C15orf40: variants seen among roughly 807,000 people sequenced by gnomAD.
The protein encoded by C15orf40 is chromosome 15 open reading frame 40.
In C15orf40, 9 loss-of-function variants were observed where a neutral mutation model predicts 13.9. The observed-to-expected ratio is 0.65, with a 90% CI of 0.39 to 1.13. The LOEUF (loss-of-function observed/expected upper bound fraction) is 1.13, where lower values mean the gene tolerates loss of function less well. C15orf40 is among the 50% of genes most tolerant of loss of function. The pLI, the probability that C15orf40 is intolerant of heterozygous loss-of-function variation, is 0.01. For synonymous variants in C15orf40, 95 were observed against 69.2 expected (o/e 1.37, Z -1.85); for missense variants, 225 against 188.5 (o/e 1.19, Z -1.13).
At chr15:82,990,716 A>G, downstream of C15orf40, 1 of 1,344,394 alleles carries the variant, frequency 7.4e-7, no homozygotes, top group Non-Finnish European at 1.0e-6. Context: ...GGTTGGGATA[A>G]GGGTACACAT....
rs943591920 is a variant in C15orf40 at position 83,004,162 on chromosome 15, T to G, written c.*1435A>C. ...CTATAAAGAAAGAGACAGAGACAGA[T>G]ACAGGGTCTCACTTCGTTGCCCAGG... On this transcript the variant is annotated 3_prime_UTR_variant, in exon 4 of 4. Transcript: ENST00000304177. 1 of 161,570 alleles carries G rather than the reference T, an allele frequency of 6.2e-6. No individual in the cohort carries two copies. The highest frequency in any genetic ancestry group is 1.3e-5 in the Non-Finnish European group (1 of 76,918). 10.0% of individuals were successfully genotyped at this position (161,570 alleles called of 1,614,324 possible).
chr15:82,994,199 T>A (rs563882623), downstream of C15orf40, among the ~76,000 whole-genome samples: 6 of 152,314 alleles, frequency 3.9e-5, no homozygotes, highest in South Asian at 1.2e-3. Flanking sequence ...TATAATAGAA[T>A]TAAGGGTAAT....
chr15:83,009,469 C>T (rs889117796), intron 2 of C15orf40, among the ~76,000 whole-genome samples: 2 of 152,154 alleles, frequency 1.3e-5, no homozygotes, highest in South Asian at 2.1e-4. Flanking sequence ...AGGTCTAGCA[C>T]GTCAATGTTG....
chr15:83,001,234 A>G lies in C15orf40; in HGVS notation c.*4363T>C. 1 of 985,480 alleles carries G rather than the reference A, an allele frequency of 1.0e-6. No homozygotes were observed. The highest frequency in any genetic ancestry group is 1.2e-6 in the Non-Finnish European group (1 of 829,958). 61.0% of individuals were successfully genotyped at this position (985,480 alleles called of 1,614,324 possible). On this transcript the variant is annotated 3_prime_UTR_variant, in exon 4 of 4. Coordinates refer to ENST00000304177, the MANE Select transcript of C15orf40 (RefSeq NM_144597.3). ...GTCTGAAATCTCTGCTCCTGCCTCC[A>G]GGGCATAATGAGCCAGGCTGTTCTT...
In C15orf40 at chr15:83,005,140, T is replaced by G. The variant is rs2031606009; in HGVS notation, c.*457A>C. On this transcript the variant is annotated 3_prime_UTR_variant, in exon 4 of 4. Transcript: ENST00000304177. ...AGAACCTGATGCAATGTATAGCACTTTTTAAATTTCTACTTTTTGGAGTCT... is the reference window on the plus strand; with the variant it reads ...AGAACCTGATGCAATGTATAGCACTGTTTAAATTTCTACTTTTTGGAGTCT... 2 of 1,070,220 alleles carry G rather than the reference T, an allele frequency of 1.9e-6. No individual in the cohort carries two copies. The highest frequency in any genetic ancestry group is 2.3e-6 in the Non-Finnish European group (2 of 873,694). The allele number at this position is 1,070,220 out of a possible 1,614,324, so 66.3% of individuals were successfully genotyped here. A position where few individuals can be genotyped will look rare whatever the true frequency, so the allele number is the denominator to read the frequency against.
downstream of C15orf40, chr15:82,989,787 A>G: frequency 2.1e-6 from 3 of 1,445,316 alleles, no homozygotes; most frequent in Non-Finnish European, 2.8e-6. Context: ...TTTATTGTGT[A>G]TTAGAATGAG....
intron 3 of C15orf40, among the ~76,000 whole-genome samples, 169 bp from the exon 4 acceptor site, chr15:83,005,861 A>C (rs1215802780): frequency 1.3e-5 from 2 of 152,168 alleles, no homozygotes; most frequent in African/African-American, 4.8e-5. Context: ...TTGTTACTAA[A>C]CATTTGTTAG....
chr15:83,010,246 C>T lies in C15orf40; in HGVS notation c.229G>A (p.Ala77Thr), dbSNP rs746347805. ...CAGTGTCCAGGTATACCTGTTACAG[C>T]ATTTTGTTTGGAGCCAGGTTTTGCA... Reference protein sequence around the residue: ...IHAKPGSKQNAVTDLTAEAVN... With the variant: ...IHAKPGSKQNTVTDLTAEAVN... The change falls in exon 2 of 4, where the codon GCT (alanine) becomes ACT (threonine). Residue 77 changes from alanine (A) to threonine (T), a missense_variant. By Grantham distance (58) the Ala-to-Thr change is moderately conservative. Transcript: ENST00000304177. 1.2e-6 allele frequency: 2 copies of T among 1,614,180 alleles called. No homozygotes were observed. Among genetic ancestry groups the T allele is most frequent in the South Asian group, 1.1e-5 (1 of 91,080 alleles).
rs2031638013 is a variant in C15orf40 at position 83,005,628 on chromosome 15, T to C, written c.431A>G (p.Glu144Gly). ...LASTTPEEILEKLKKEAKKT is the reference protein window; with the variant it reads ...LASTTPEEILGKLKKEAKKT ...TTTTTTGGCTTCCTTTTTTAATTTC[T>C]CCAAGATCTCTTCTGGAGTTGTAGA... The change falls in exon 4 of 4, where the codon GAG becomes GGG. Residue 144 changes from glutamate to glycine, a missense_variant. Coordinates refer to ENST00000304177, the MANE Select transcript of C15orf40 (RefSeq NM_144597.3). 1.2e-6 allele frequency: 2 copies of C among 1,612,152 alleles called. No individual in the cohort carries two copies. Among genetic ancestry groups the C allele is most frequent in the African/African-American group, 1.3e-5 (1 of 74,836 alleles).
downstream of C15orf40, among the ~76,000 whole-genome samples, chr15:82,993,059 T>C (rs2151273230): frequency 1.3e-5 from 2 of 152,336 alleles, no homozygotes; most frequent in Admixed American, 1.3e-4. Flanking sequence ...ACATATGGCA[T>C]TAGGTATAAG....
Position 82,997,965 on chromosome 15 carries a change from A to AC in C15orf40, c.*7631dup, listed in dbSNP as rs561239746. On this transcript the variant is annotated 3_prime_UTR_variant, in exon 4 of 4. Transcript: ENST00000304177. The stretch of plus-strand genomic sequence containing the variant: ...GGGCGGCTGGCCGGGCGGAGGGCTG[A>AC]CCCCCCCACCTCCCTCCCGGACGGG... 0.082 allele frequency: 7,334 copies of AC among 89,108 alleles called. 351 individuals are homozygous for AC. Among genetic ancestry groups the AC allele is most frequent in the African/African-American group, 0.11 (2,260 of 21,164 alleles). 5.5% of individuals were successfully genotyped at this position (89,108 alleles called of 1,614,324 possible). A position where few individuals can be genotyped will look rare whatever the true frequency, so the allele number is the denominator to read the frequency against.
At chr15:83,009,560 A>C (rs557610923) in intron 2 of C15orf40, among the ~76,000 whole-genome samples, 2 of 152,338 alleles carry the variant, frequency 1.3e-5, no homozygotes, top group East Asian at 3.9e-4. Context: ...AATTTAGAGC[A>C]ATGGTTTTTG....
chr15:82,989,120 T>C (rs771252687), downstream of C15orf40: 6 of 1,613,936 alleles, frequency 3.7e-6, no homozygotes, highest in Admixed American at 1.0e-4. Flanking sequence ...AACGCCCTCC[T>C]GAGTCTCCTC....
intron 3 of C15orf40, among the ~76,000 whole-genome samples, chr15:83,007,266 T>C (rs953989590): frequency 2.0e-5 from 3 of 152,204 alleles, no homozygotes; most frequent in African/African-American, 7.2e-5. Context: ...GAGTCCCTCA[T>C]GGAGATGACT....
In C15orf40 at chr15:83,001,297, C is replaced by T. The variant is rs1250668586; in HGVS notation, c.*4300G>A. 3.0e-6 allele frequency: 3 copies of T among 985,370 alleles called. No homozygotes were observed. The highest frequency in any genetic ancestry group is 3.6e-6 in the Non-Finnish European group (3 of 829,950). The allele number at this position is 985,370 out of a possible 1,614,324, so 61.0% of individuals were successfully genotyped here. A position where few individuals can be genotyped will look rare whatever the true frequency, so the allele number is the denominator to read the frequency against. On this transcript the variant is annotated 3_prime_UTR_variant, in exon 4 of 4. Transcript: ENST00000304177. ...TCGAAGTACAGCATAGGCAAACCAC[C>T]TAGCAGTGTCTGTCAAGTAAGCAAC...
In C15orf40 at chr15:82,999,934, T is replaced by C. The variant is rs367807936; in HGVS notation, c.*5663A>G. On this transcript the variant is annotated 3_prime_UTR_variant, in exon 4 of 4. Coordinates refer to ENST00000304177, the MANE Select transcript of C15orf40 (RefSeq NM_144597.3). ...GAATGCCTATGTGGGTAGAAATAGG[T>C]GGTCTTCCTGCAACCTAGAAAAAGG... The C allele has an allele frequency of 5.3e-5, 8 of 152,190 alleles. No individual in the cohort carries two copies. The East Asian group carries it at 9.6e-4, about 18-fold the overall frequency. The allele number at this position is 152,190 out of a possible 1,614,324, so 9.4% of individuals were successfully genotyped here.
downstream of C15orf40, chr15:82,990,756 TAAC>T (rs2030824350): frequency 3.0e-6 from 3 of 993,260 alleles, no homozygotes; most frequent in Non-Finnish European, 3.1e-6. Flanking sequence ...AGCTTTTTGC[TAAC>T]AACATAGCAG....
chr15:83,007,977 AG>A (rs1235926814), intron 3 of C15orf40: 18 of 152,822 alleles, frequency 1.2e-4, no homozygotes, highest in African/African-American at 3.9e-4. Context: ...GAATCACCTG[AG>A]GTCAGGCGTT....
rs1242055968 is a variant in C15orf40 at position 82,996,718 on chromosome 15, A to G, written c.*8879T>C. On this transcript the variant is annotated 3_prime_UTR_variant, in exon 4 of 4. Coordinates refer to ENST00000304177, the MANE Select transcript of C15orf40 (RefSeq NM_144597.3). Reference sequence around the variant, plus strand: ...AAAGTGAAACAATACAAAAATGAATAATTTTGGCTGGATGCAGTGGTTCAC... The same window carrying G: ...AAAGTGAAACAATACAAAAATGAATGATTTTGGCTGGATGCAGTGGTTCAC... 1 of 151,412 alleles carries G rather than the reference A, an allele frequency of 6.6e-6. No individual in the cohort carries two copies. The highest frequency in any genetic ancestry group is 1.9e-4 in the East Asian group (1 of 5,192). The allele number at this position is 151,412 out of a possible 1,614,324, so 9.4% of individuals were successfully genotyped here.
Sources: allele counts gnomAD v4.1 joint callset (sites outside exome capture counted in the v4.1 genomes callset), GRCh38; gene constraint gnomAD v4.1.1; transcripts MANE v1.5; gene names NCBI Gene and HGNC (gene_info 2026-07-23, HGNC 2026-07-21).